Variants in ZBTB20 observed in about 807,000 individuals in gnomAD.
The protein encoded by ZBTB20 is zinc finger and BTB domain containing 20.
Under a neutral mutation model 56.9 loss-of-function variants are expected in ZBTB20, and 9 were observed. The observed-to-expected ratio is 0.16, with a 90% CI of 0.10 to 0.28. The LOEUF (loss-of-function observed/expected upper bound fraction) is 0.28. ZBTB20 is among the 10% of genes least tolerant of loss of function. The probability of loss-of-function intolerance (pLI) is 1.00; values close to 1 mark genes in which losing one functional copy is unlikely to be tolerated. For missense variants in ZBTB20, 655 were observed against 1,003.0 expected (o/e 0.65, Z 4.69); for synonymous variants, 417 against 420.7 (o/e 0.99, Z 0.11).
At chr3:114,471,669 T>A (rs1470594453) in intron 7 of ZBTB20, among the ~76,000 whole-genome samples, 1 of 152,170 alleles carries the variant, frequency 6.6e-6, no homozygotes, top group Non-Finnish European at 1.5e-5. Context: ...TTCATGTTTT[T>A]CCTTTACAAA....
At chr3:114,389,881 C>A (rs528251857) in intron 7 of ZBTB20, among the ~76,000 whole-genome samples, 2 of 99,734 alleles carry the variant, frequency 2.0e-5, no homozygotes, top group Admixed American at 1.3e-4. Flanking sequence ...GAGCAAGAGT[C>A]CATCTCAAAA....
intron 5 of ZBTB20, among the ~76,000 whole-genome samples, chr3:114,703,991 C>G (rs1201854682): frequency 6.6e-6 from 1 of 152,132 alleles, no homozygotes; most frequent in African/African-American, 2.4e-5. Flanking sequence ...TGTTGTATGG[C>G]AGTATTTTTA....
intron 7 of ZBTB20, among the ~76,000 whole-genome samples, chr3:114,479,064 ATTG>A (rs386664812): frequency 2.7e-5 from 1 of 36,438 alleles, no homozygotes; most frequent in Non-Finnish European, 5.2e-5. Context: ...CTGTTCCTCT[ATTG>A]GGGGGGGGCC....
At position 114,773,521 on chromosome 3, in the gene ZBTB20, A is replaced by AT. The variant is rs1197897253; in HGVS notation, c.-343+27579_-343+27580insA. 2.6e-5 allele frequency among the ~76,000 whole-genome samples: 4 copies of AT among 152,176 alleles called. No individual in the cohort carries two copies. The South Asian group carries it at 8.3e-4, about 31-fold the overall frequency. ...AGAGAAAGTAAAATACCTCGAGACT[A>AT]AAGGAAAAAGAACACAGGGAGTGTA... On this transcript the variant is annotated intron_variant, in intron 5 of 11. Coordinates refer to ENST00000675478, the MANE Select transcript of ZBTB20 (RefSeq NM_001348800.3).
At chr3:115,056,764 T>A (rs2108458754) in intron 2 of ZBTB20, among the ~76,000 whole-genome samples, 1 of 152,242 alleles carries the variant, frequency 6.6e-6, no homozygotes, top group East Asian at 1.9e-4. Context: ...CATCTCAATT[T>A]TATGGTACAC....
At chr3:114,738,090 G>C (rs945053845) in intron 5 of ZBTB20, among the ~76,000 whole-genome samples, 2 of 151,858 alleles carry the variant, frequency 1.3e-5, no homozygotes, top group African/African-American at 4.8e-5. Context: ...AATTTAATGT[G>C]AGACTTTAAA....
chr3:114,631,760 G>T (rs1165934924), intron 6 of ZBTB20, among the ~76,000 whole-genome samples: 1 of 151,988 alleles, frequency 6.6e-6, no homozygotes, highest in Non-Finnish European at 1.5e-5. Flanking sequence ...GTCCTATATT[G>T]TTCTACTCTT....
At position 115,057,344 on chromosome 3, in the gene ZBTB20, A is replaced by C. The variant is rs527379111; in HGVS notation, c.-507+13875T>G. Among the ~76,000 whole-genome samples, 6 of 150,816 alleles carry C rather than the reference A, an allele frequency of 4.0e-5. No individual in the cohort carries two copies. In the East Asian group the frequency reaches 1.2e-3, roughly 29 times the overall value. On this transcript the variant is annotated intron_variant, in intron 2 of 11. Coordinates refer to ENST00000675478, the MANE Select transcript of ZBTB20 (RefSeq NM_001348800.3). ...TTATCTCTATTTTGGCCTTACTGTTATATCTCTTTATTTTGTAATGATTAT... is the reference window on the plus strand; with the variant it reads ...TTATCTCTATTTTGGCCTTACTGTTCTATCTCTTTATTTTGTAATGATTAT...
At chr3:114,901,438 G>C (rs555998259) in intron 3 of ZBTB20, among the ~76,000 whole-genome samples, 1 of 152,020 alleles carries the variant, frequency 6.6e-6, no homozygotes, top group Admixed American at 6.6e-5. Context: ...CAACATCTTC[G>C]TATATTCTGA....
chr3:114,717,612 T>C (rs536782871), intron 5 of ZBTB20, among the ~76,000 whole-genome samples: 1 of 152,282 alleles, frequency 6.6e-6, no homozygotes, highest in South Asian at 2.1e-4. Context: ...TTATATGCTA[T>C]TCTTTTGATC....
In ZBTB20 at chr3:114,787,366, T is replaced by TATACAC. The variant is rs1553821500; in HGVS notation, c.-343+13729_-343+13734dup. On this transcript the variant is annotated intron_variant, in intron 5 of 11. Transcript: ENST00000675478. The stretch of plus-strand genomic sequence containing the variant: ...ATATATATATATATATATATATATA[T>TATACAC]ATACACACACACACACACACACACA... Among the ~76,000 whole-genome samples, 71 of 82,906 alleles carry TATACAC rather than the reference T, an allele frequency of 8.6e-4. 3 individuals carry two copies. The highest frequency in any genetic ancestry group is 3.5e-3 in the African/African-American group (66 of 19,018). 54.4% of individuals were successfully genotyped at this position (82,906 alleles called of 152,430 possible).
intron 5 of ZBTB20, among the ~76,000 whole-genome samples, chr3:114,724,954 T>C (rs1211745296): frequency 6.6e-6 from 1 of 152,176 alleles, no homozygotes; most frequent in Non-Finnish European, 1.5e-5. Flanking sequence ...AAATGATCAT[T>C]AAAAATGCAA....
chr3:114,860,175 CG>C (rs770912504), intron 4 of ZBTB20, among the ~76,000 whole-genome samples: 4 of 151,982 alleles, frequency 2.6e-5, no homozygotes, highest in Non-Finnish European at 5.9e-5. Flanking sequence ...GGCTTGTTGG[CG>C]TGTGACTGTA....
At chr3:114,483,850 CAT>C (rs1052470526) in intron 7 of ZBTB20, among the ~76,000 whole-genome samples, 7 of 151,956 alleles carry the variant, frequency 4.6e-5, no homozygotes, top group Non-Finnish European at 8.8e-5. Flanking sequence ...GTTTCATAAA[CAT>C]AATTATAGGC....
At chr3:114,491,255 C>G (rs917012081) in intron 7 of ZBTB20, among the ~76,000 whole-genome samples, 1 of 152,112 alleles carries the variant, frequency 6.6e-6, no homozygotes, top group African/African-American at 2.4e-5. Context: ...CACCTTGGTC[C>G]CCAAACTGCT....
At chr3:114,907,091 T>C (rs1490111960) in intron 3 of ZBTB20, among the ~76,000 whole-genome samples, 4 of 151,854 alleles carry the variant, frequency 2.6e-5, no homozygotes, top group African/African-American at 9.7e-5. Flanking sequence ...TTTGTAAATA[T>C]AGCCATGAAC....
intron 10 of ZBTB20, among the ~76,000 whole-genome samples, chr3:114,369,561 A>G (rs1275607742): frequency 6.6e-6 from 1 of 152,246 alleles, no homozygotes; most frequent in Non-Finnish European, 1.5e-5. Flanking sequence ...TTGGTTCCAG[A>G]TCACCATCCT....
chr3:114,683,879 G>A (rs771080464), intron 6 of ZBTB20, among the ~76,000 whole-genome samples: 1 of 152,086 alleles, frequency 6.6e-6, no homozygotes, highest in Non-Finnish European at 1.5e-5. Flanking sequence ...GACTATGACA[G>A]GATTCTGACA....
chr3:114,344,979 T>TA (rs34000289), intron 11 of ZBTB20, among the ~76,000 whole-genome samples: 15 of 150,022 alleles, frequency 1.0e-4, no homozygotes, highest in Middle Eastern at 3.4e-3. Context: ...CTCTTGTGGG[T>TA]AAAAAAAAAA....
Sources: gnomAD v4.1 joint callset for allele counts (sites outside exome capture counted in the v4.1 genomes callset) on GRCh38, gnomAD v4.1.1 for gene constraint, MANE v1.5 for transcripts, NCBI Gene and HGNC (gene_info 2026-07-23, HGNC 2026-07-21) for gene names.